UNC13B: variants seen among roughly 807,000 people sequenced by gnomAD.
UNC13B encodes the protein protein unc-13 homolog B.
In UNC13B, 144 loss-of-function variants were observed where a neutral mutation model predicts 211.0. The observed-to-expected ratio is 0.68, with a 90% confidence interval of 0.60 to 0.78. The LOEUF (loss-of-function observed/expected upper bound fraction) is 0.78, where lower values mean the gene tolerates loss of function less well. UNC13B is among the 30% of genes least tolerant of loss of function. UNC13B has a pLI of 0.00. For missense variants in UNC13B, 1,777 were observed against 2,002.0 expected (o/e 0.89, Z 2.14); for synonymous variants, 709 against 725.8 (o/e 0.98, Z 0.37).
At chr9:35,353,307 C>T in intron 11 of UNC13B, 2 of 1,232,200 alleles carry the variant, frequency 1.6e-6, no homozygotes, top group African/African-American at 1.5e-5. Context: ...TTTCGTTCTG[C>T]TCTGCAGGGT....
chr9:35,356,545 G>C (rs1833033541), intron 11 of UNC13B, among the ~76,000 whole-genome samples: 1 of 151,960 alleles, frequency 6.6e-6, no homozygotes, highest in Non-Finnish European at 1.5e-5. Context: ...CTTTTTATCA[G>C]TCAGCAATTT....
chr9:35,384,723 CAG>C (rs1835078619), intron 22 of UNC13B: 3 of 985,272 alleles, frequency 3.0e-6, no homozygotes, highest in South Asian at 4.7e-5. Context: ...GGCTAGGGGA[CAG>C]AGAGTAGCTT....
intron 1 of UNC13B, among the ~76,000 whole-genome samples, chr9:35,206,340 A>G (rs567142729): frequency 1.3e-5 from 2 of 152,274 alleles, no homozygotes; most frequent in East Asian, 3.9e-4. Context: ...AAATTTTTTC[A>G]TCATCCCAAG....
At chr9:35,236,819 C>T (rs1471403484) in intron 4 of UNC13B, among the ~76,000 whole-genome samples, 7 of 152,182 alleles carry the variant, frequency 4.6e-5, no homozygotes, top group Non-Finnish European at 1.0e-4. Flanking sequence ...AGCACCTCTT[C>T]AGCCTTATCA....
intron 24 of UNC13B, among the ~76,000 whole-genome samples, chr9:35,388,498 C>T (rs1835326688): frequency 6.6e-6 from 1 of 152,230 alleles, no homozygotes; most frequent in Non-Finnish European, 1.5e-5. Flanking sequence ...TATCTGGGAT[C>T]AAATCTTAGT....
chr9:35,212,784 G>C (rs1824041221), intron 1 of UNC13B, among the ~76,000 whole-genome samples: 1 of 152,198 alleles, frequency 6.6e-6, no homozygotes, highest in Non-Finnish European at 1.5e-5. Flanking sequence ...TTAAAAACCA[G>C]AGTAGAAAGT....
Position 35,386,256 on chromosome 9 carries a change from A to C in UNC13B, c.11057A>C (p.Asn3686Thr). Residue 3686 changes from asparagine to threonine, a missense_variant, in exon 24 of 40, where the codon AAC (asparagine) becomes ACC (threonine). By Grantham distance (65) the Asn-to-Thr change is moderately conservative (BLOSUM62 0). Transcript: ENST00000635942. The stretch of plus-strand genomic sequence containing the variant: ...AACTCCACATATGAATATATCTTCA[A>C]CAACTGCCACGACTTATACAGCCGC... ...CLNSTYEYIF[N>T]NCHDLYSRQY... 6.2e-7 allele frequency: 1 copy of C among 1,614,178 alleles called. No individual in the cohort carries two copies. Among genetic ancestry groups the C allele is most frequent in the South Asian group, 1.1e-5 (1 of 91,078 alleles).
At chr9:35,384,201 C>T (rs1360293310) in intron 21 of UNC13B, 45 bp from the exon 22 acceptor site, 1 of 1,612,448 alleles carries the variant, frequency 6.2e-7, no homozygotes, top group East Asian at 2.2e-5. Flanking sequence ...GGGACTCAGA[C>T]ACAGGTTCTC....
intron 7 of UNC13B, among the ~76,000 whole-genome samples, chr9:35,283,232 G>A (rs1828609276): frequency 6.6e-6 from 1 of 152,090 alleles, no homozygotes; most frequent in Non-Finnish European, 1.5e-5. Context: ...TACATTTCAT[G>A]AGTATACCCA....
intron 26 of UNC13B, 38 bp downstream of exon 26, chr9:35,390,752 T>C (rs1001099954): frequency 5.7e-6 from 9 of 1,573,744 alleles, no homozygotes; most frequent in Non-Finnish European, 7.8e-6. Context: ...GCCAGGCTCC[T>C]AGCCCAAGCT....
At position 35,376,467 on chromosome 9, in the gene UNC13B, C is replaced by A. The variant is rs183651839; in HGVS notation, c.9835+220C>A. On this transcript the variant is annotated intron_variant, in intron 15 of 39. Coordinates refer to ENST00000635942, the MANE Select transcript of UNC13B (RefSeq NM_001371189.2). Reference sequence around the variant, plus strand: ...TTCTTAAGCACCTTTAGGAAAAATTCTTTGAGCTTTCTGTGGTAGTGTAGC... The same window carrying A: ...TTCTTAAGCACCTTTAGGAAAAATTATTTGAGCTTTCTGTGGTAGTGTAGC... Among the ~76,000 whole-genome samples the A allele has an allele frequency of 2.9e-3, 437 of 152,312 alleles. 4 individuals carry two copies. Among genetic ancestry groups the A allele is most frequent in the Admixed American group, 2.2e-3 (34 of 15,308 alleles).
At chr9:35,215,100 A>G (rs188600808) in intron 1 of UNC13B, among the ~76,000 whole-genome samples, 4 of 152,316 alleles carry the variant, frequency 2.6e-5, no homozygotes, top group Admixed American at 2.6e-4. Flanking sequence ...AACAGTTGTT[A>G]AACATGAGTA....
At chr9:35,402,462 T>TTG (rs1836381946) in intron 37 of UNC13B, among the ~76,000 whole-genome samples, 3 of 151,956 alleles carry the variant, frequency 2.0e-5, no homozygotes, top group Non-Finnish European at 4.4e-5. Flanking sequence ...TTTTGTATTT[T>TTG]TAGTAGAGAC....
intron 6 of UNC13B, among the ~76,000 whole-genome samples, chr9:35,252,821 T>G (rs1826588542): frequency 6.6e-6 from 1 of 151,854 alleles, no homozygotes; most frequent in Non-Finnish European, 1.5e-5. Context: ...TCCCAGCTAC[T>G]TGGGAGGCTG....
chr9:35,325,159 C>T (rs540058560), intron 11 of UNC13B, among the ~76,000 whole-genome samples: 1 of 152,136 alleles, frequency 6.6e-6, no homozygotes, highest in Non-Finnish European at 1.5e-5. Context: ...ATCTTATGCA[C>T]ATAAAAAGTA....
At chr9:35,260,583 A>G (rs924560412) in intron 7 of UNC13B, among the ~76,000 whole-genome samples, 1 of 152,190 alleles carries the variant, frequency 6.6e-6, no homozygotes, top group Non-Finnish European at 1.5e-5. Flanking sequence ...GGTACATTCT[A>G]TAGGCCCACT....
chr9:35,330,397 G>T (rs894652603), intron 11 of UNC13B, among the ~76,000 whole-genome samples: 1 of 152,146 alleles, frequency 6.6e-6, no homozygotes, highest in African/African-American at 2.4e-5. Context: ...TGACACTGCT[G>T]TTTTTTTGGC....
intron 11 of UNC13B, among the ~76,000 whole-genome samples, chr9:35,363,378 T>C (rs758075539): frequency 6.6e-6 from 1 of 151,766 alleles, no homozygotes; most frequent in Non-Finnish European, 1.5e-5. Context: ...CCTAATTTTC[T>C]TACTCAAAAG....
intron 1 of UNC13B, among the ~76,000 whole-genome samples, chr9:35,182,520 A>G (rs1281366264): frequency 6.6e-6 from 1 of 150,422 alleles, no homozygotes; most frequent in East Asian, 1.9e-4. Context: ...TTTCTCAGAG[A>G]GGGGGATGTG....
Sources: allele counts gnomAD v4.1 joint callset (sites outside exome capture counted in the v4.1 genomes callset), GRCh38; gene constraint gnomAD v4.1.1; transcripts MANE v1.5; gene names NCBI Gene and HGNC (gene_info 2026-07-23, HGNC 2026-07-21).